The following ENPP3 variants were observed in gnomAD, a reference collection of about 807,000 sequenced individuals.
ENPP3 encodes the protein ectonucleotide pyrophosphatase/phosphodiesterase family member 3.
Under a neutral mutation model 117.8 loss-of-function variants are expected in ENPP3, and 104 were observed. The observed-to-expected ratio is 0.88, with a 90% CI of 0.75 to 1.04. The LOEUF (loss-of-function observed/expected upper bound fraction) is 1.04, where lower values mean the gene tolerates loss of function less well. Ranked by LOEUF, ENPP3 falls within the 50% of genes least tolerant of loss-of-function variation. The pLI, the probability that ENPP3 is intolerant of heterozygous loss-of-function variation, is 0.00. For synonymous variants in ENPP3, 380 were observed against 349.9 expected (o/e 1.09, Z -0.96); for missense variants, 1,026 against 1,051.9 (o/e 0.98, Z 0.34).
At chr6:131,718,587 G>A in intron 15 of ENPP3, 85 bp from the exon 16 acceptor site, 1 of 601,300 alleles carries the variant, frequency 1.7e-6, no homozygotes, top group Non-Finnish European at 2.8e-6. Flanking sequence ...AAAATTTACA[G>A]AAACTATATA....
chr6:131,732,310 C>T (rs1780297563), intron 20 of ENPP3, among the ~76,000 whole-genome samples: 1 of 152,174 alleles, frequency 6.6e-6, no homozygotes, highest in Admixed American at 6.5e-5. Flanking sequence ...ATGATGACCA[C>T]ATAATATAGT....
chr6:131,732,977 T>G (rs1322501499), intron 20 of ENPP3, among the ~76,000 whole-genome samples: 1 of 151,796 alleles, frequency 6.6e-6, no homozygotes, highest in East Asian at 1.9e-4. Context: ...TCTGCCTGCC[T>G]CGGCCTCTCA....
intron 15 of ENPP3, among the ~76,000 whole-genome samples, chr6:131,699,137 C>G (rs1779470788): frequency 7.3e-6 from 1 of 136,550 alleles, no homozygotes; most frequent in South Asian, 2.4e-4. Flanking sequence ...ACTTAGGAGG[C>G]TGAGGCAGGA....
chr6:131,658,740 T>C lies in ENPP3; in HGVS notation c.562+320T>C, dbSNP rs147675156. Among the ~76,000 whole-genome samples, 9 of 152,348 alleles carry C rather than the reference T, an allele frequency of 5.9e-5. No individual in the cohort carries two copies. In the East Asian group the frequency reaches 1.2e-3, roughly 20 times the overall value. On this transcript the variant is annotated intron_variant, in intron 6 of 24. Coordinates refer to ENST00000357639, the MANE Select transcript of ENPP3 (RefSeq NM_005021.5). ...AGTGATGTTTGTCAGACCCAGGTTC[T>C]GGGCCTTAGCAAGGAGAATATAGCG... is the stretch of plus-strand genomic sequence containing the variant.
intron 23 of ENPP3, among the ~76,000 whole-genome samples, chr6:131,739,076 T>C (rs541891287): frequency 2.0e-5 from 3 of 152,344 alleles, no homozygotes; most frequent in East Asian, 3.9e-4. Context: ...ACTGCAAAGA[T>C]ACCCTAGTTA....
chr6:131,673,698 A>AAGAC (rs57685956), intron 7 of ENPP3, among the ~76,000 whole-genome samples: 5 of 150,968 alleles, frequency 3.3e-5, no homozygotes, highest in African/African-American at 7.4e-5. Context: ...AGAGAAAGAA[A>AAGAC]AGACAGACAG....
At chr6:131,691,864 T>C (rs1019220922) in intron 14 of ENPP3, among the ~76,000 whole-genome samples, 10 of 152,140 alleles carry the variant, frequency 6.6e-5, no homozygotes, top group Non-Finnish European at 1.5e-4. Context: ...ACAAAAATAT[T>C]GGCTTAAGAA....
Position 131,719,813 on chromosome 6 carries a change from G to A in ENPP3, c.1480-479G>A, listed in dbSNP as rs115801389. On this transcript the variant is annotated intron_variant, in intron 16 of 24. Coordinates refer to ENST00000357639, the MANE Select transcript of ENPP3 (RefSeq NM_005021.5). Reference sequence around the variant, plus strand: ...ATATTGAGGTCTTTTTATCCCAAAAGTAAAAGAGAGAAGTGTAAGTGGAAC... The same window carrying A: ...ATATTGAGGTCTTTTTATCCCAAAAATAAAAGAGAGAAGTGTAAGTGGAAC... Among the ~76,000 whole-genome samples, 339 of 151,748 alleles carry A rather than the reference G, an allele frequency of 2.2e-3. 2 individuals are homozygous for A. Among genetic ancestry groups the A allele is most frequent in the African/African-American group, 7.8e-3 (323 of 41,352 alleles).
chr6:131,668,008 G>T (rs1778653475), intron 6 of ENPP3, among the ~76,000 whole-genome samples: 1 of 151,936 alleles, frequency 6.6e-6, no homozygotes, highest in African/African-American at 2.4e-5. Context: ...CAACATTATG[G>T]CTAATCTTTC....
At chr6:131,655,028 G>A (rs1045043761) in intron 5 of ENPP3, among the ~76,000 whole-genome samples, 15 of 152,178 alleles carry the variant, frequency 9.9e-5, no homozygotes, top group East Asian at 3.8e-4. Flanking sequence ...GACCTAAAGC[G>A]AGGGAATATG....
At chr6:131,726,756 C>G (rs553995862) in intron 20 of ENPP3, among the ~76,000 whole-genome samples, 2 of 152,272 alleles carry the variant, frequency 1.3e-5, no homozygotes, top group Non-Finnish European at 2.9e-5. Context: ...GGTTGAGGTC[C>G]ACTTGTTTAA....
chr6:131,714,722 C>T (rs1779853395), intron 15 of ENPP3, among the ~76,000 whole-genome samples: 1 of 139,996 alleles, frequency 7.1e-6, no homozygotes, highest in Non-Finnish European at 1.5e-5. Flanking sequence ...AAGGACTTTT[C>T]CTCCACATGT....
intron 14 of ENPP3, among the ~76,000 whole-genome samples, chr6:131,692,674 T>A (rs919181519): frequency 2.7e-5 from 4 of 146,854 alleles, no homozygotes; most frequent in Non-Finnish European, 6.0e-5. Flanking sequence ...ATATATATAA[T>A]ATATGGTTAT....
In ENPP3 at chr6:131,726,191, C is replaced by T. The variant is rs1028161916; in HGVS notation, c.1944C>T (p.Val648=). 6 of 1,613,078 alleles carry T rather than the reference C, an allele frequency of 3.7e-6. No individual in the cohort carries two copies. Among genetic ancestry groups the T allele is most frequent in the African/African-American group, 1.3e-5 (1 of 75,012 alleles). ...MRMPMWSSYT[V]PQLGDTSPLP... is the part of the protein sequence containing the mutation. ...TGCCCATGTGGAGTTCATACACAGT[C>T]CCCCAGTTGGTAAGTTCCTGAGTCC... is the stretch of plus-strand genomic sequence containing the variant. The change falls in exon 20 of 25, where the codon GTC becomes GTT. Residue 648 remains valine, a synonymous_variant. Coordinates refer to ENST00000357639, the MANE Select transcript of ENPP3 (RefSeq NM_005021.5).
Position 131,685,499 on chromosome 6 carries a change from A to G in ENPP3, c.1252+4A>G, listed in dbSNP as rs1167927835. ...ATACCTCATGACTTTTTTAGTTGTAAGTATGAAGACACCTATATGAAAAAA... is the reference window on the plus strand; with the variant it reads ...ATACCTCATGACTTTTTTAGTTGTAGGTATGAAGACACCTATATGAAAAAA... On this transcript the variant is annotated splice_donor_region_variant and intron_variant, in intron 13 of 24. Transcript: ENST00000357639. The G allele has an allele frequency of 6.2e-7, 1 of 1,613,252 alleles. No individual in the cohort carries two copies. The highest frequency in any genetic ancestry group is 2.2e-5 in the East Asian group (1 of 44,852).
chr6:131,647,445 T>G (rs1191271523), intron 2 of ENPP3, among the ~76,000 whole-genome samples: 1 of 152,220 alleles, frequency 6.6e-6, no homozygotes, highest in African/African-American at 2.4e-5. Context: ...ACATAGATCT[T>G]TGTATGTTTC....
Position 131,726,095 on chromosome 6 carries a change from G to C in ENPP3, c.1848G>C (p.Leu616=). 6.2e-7 allele frequency: 1 copy of C among 1,613,252 alleles called. No individual in the cohort carries two copies. The change falls in exon 20 of 25, where the codon CTG becomes CTC. Residue 616 remains leucine, a synonymous_variant. Transcript: ENST00000357639. ...VNLPFGRPRV[L]QKNVDHCLLY... is the part of the protein sequence containing the mutation. The stretch of plus-strand genomic sequence containing the variant: ...TGCCATTTGGGAGGCCTAGGGTACT[G>C]CAGAAGAACGTGGACCACTGTCTCC...
chr6:131,675,814 C>T (rs1778855492), intron 9 of ENPP3, among the ~76,000 whole-genome samples: 1 of 152,018 alleles, frequency 6.6e-6, no homozygotes, highest in Admixed American at 6.6e-5. Flanking sequence ...TGTAGTCCAG[C>T]CTGGGCGACA....
At chr6:131,679,355 A>G (rs1286876251) in intron 11 of ENPP3, among the ~76,000 whole-genome samples, 1 of 151,924 alleles carries the variant, frequency 6.6e-6, no homozygotes, top group Non-Finnish European at 1.5e-5. Context: ...TCAGCCTCCC[A>G]AAGTGTTGGG....
Sources: allele counts gnomAD v4.1 joint callset (sites outside exome capture counted in the v4.1 genomes callset), GRCh38; gene constraint gnomAD v4.1.1; transcripts MANE v1.5; gene names NCBI Gene and HGNC (gene_info 2026-07-23, HGNC 2026-07-21).